GPC6: variants seen among roughly 807,000 people sequenced by gnomAD.
The protein encoded by GPC6 is glypican 6.
A neutral mutation model predicts 55.2 loss-of-function variants in GPC6; 14 were observed. The observed-to-expected ratio is 0.25, with a 90% CI of 0.17 to 0.40. The LOEUF (loss-of-function observed/expected upper bound fraction) is 0.40, where lower values mean the gene tolerates loss of function less well. Among genes scored for constraint, GPC6 ranks in the 10% least tolerant of loss-of-function variants. The pLI, the probability that GPC6 is intolerant of heterozygous loss-of-function variation, is 1.00. For synonymous variants in GPC6, 278 were observed against 259.6 expected (o/e 1.07, Z -0.68); for missense variants, 641 against 708.5 (o/e 0.90, Z 1.08).
chr13:93,992,206 G>A (rs1213148902), intron 3 of GPC6, among the ~76,000 whole-genome samples: 2 of 150,170 alleles, frequency 1.3e-5, no homozygotes, highest in Non-Finnish European at 3.0e-5. Context: ...TGTGGGTGTG[G>A]GTGTGTGTGT....
intron 3 of GPC6, among the ~76,000 whole-genome samples, chr13:93,990,544 T>A (rs1212895483): frequency 6.6e-6 from 1 of 152,046 alleles, no homozygotes; most frequent in Non-Finnish European, 1.5e-5. Flanking sequence ...TGGCCTATGG[T>A]AACATCTTGT....
chr13:94,062,462 G>A (rs2021155), intron 4 of GPC6, among the ~76,000 whole-genome samples: 63,240 of 151,706 alleles, frequency 0.42, 15,235 homozygotes, highest in Middle Eastern at 0.56. Context: ...TGTTAGCCAA[G>A]CTGGTCTCGA....
At chr13:93,644,687 T>C (rs562068757) in intron 2 of GPC6, among the ~76,000 whole-genome samples, 167 of 152,014 alleles carry the variant, frequency 1.1e-3, no homozygotes, top group African/African-American at 4.0e-3. Flanking sequence ...TAGTTAATAA[T>C]TGATGTGGTG....
intron 1 of GPC6, among the ~76,000 whole-genome samples, chr13:93,482,993 G>C (rs1021993719): frequency 7.2e-5 from 11 of 152,106 alleles, no homozygotes; most frequent in Admixed American, 3.3e-4. Context: ...CCGTAAATGT[G>C]ACCAAGAGCC....
intron 2 of GPC6, among the ~76,000 whole-genome samples, chr13:93,802,724 A>C (rs1362486665): frequency 6.6e-6 from 1 of 152,146 alleles, no homozygotes; most frequent in Admixed American, 6.6e-5. Flanking sequence ...CAGAAGAAAG[A>C]AAAGTGATGG....
At chr13:93,642,078 G>A (rs1879972535) in intron 2 of GPC6, among the ~76,000 whole-genome samples, 1 of 151,964 alleles carries the variant, frequency 6.6e-6, no homozygotes, top group African/African-American at 2.4e-5. Flanking sequence ...TTGAGGTTTG[G>A]GGTGTGATTG....
chr13:94,348,451 GCCTTTCTGA>G (rs926702895), intron 6 of GPC6, among the ~76,000 whole-genome samples: 1 of 152,198 alleles, frequency 6.6e-6, no homozygotes, highest in African/African-American at 2.4e-5. Context: ...CCGAGATTTT[GCCTTTCTGA>G]CAAACTCCCA....
At chr13:93,909,583 A>G (rs567545859) in intron 3 of GPC6, among the ~76,000 whole-genome samples, 1 of 152,312 alleles carries the variant, frequency 6.6e-6, no homozygotes, top group South Asian at 2.1e-4. Context: ...GTTCACTGTT[A>G]TCCTTCTATC....
At chr13:94,206,634 G>A (rs1182590575) in intron 4 of GPC6, among the ~76,000 whole-genome samples, 2 of 151,948 alleles carry the variant, frequency 1.3e-5, no homozygotes, top group South Asian at 2.1e-4. Flanking sequence ...CGAGCAGATC[G>A]CTTGAGTCCA....
At chr13:94,032,357 G>A (rs1489270446) in intron 4 of GPC6, among the ~76,000 whole-genome samples, 2 of 152,164 alleles carry the variant, frequency 1.3e-5, no homozygotes, top group Non-Finnish European at 2.9e-5. Context: ...CTTAGTCAGC[G>A]GGGAGTCAGA....
chr13:93,945,247 T>C (rs1219061186), intron 3 of GPC6, among the ~76,000 whole-genome samples: 6 of 152,352 alleles, frequency 3.9e-5, no homozygotes, highest in East Asian at 1.9e-4. Context: ...TGTAAAATAC[T>C]CTATTTGCAG....
intron 1 of GPC6, among the ~76,000 whole-genome samples, chr13:93,472,248 T>G (rs1230553265): frequency 6.6e-6 from 1 of 152,230 alleles, no homozygotes; most frequent in Non-Finnish European, 1.5e-5. Flanking sequence ...GCCAGAAACC[T>G]GTGGCTGCTG....
intron 1 of GPC6, among the ~76,000 whole-genome samples, chr13:93,526,203 A>G (rs942848692): frequency 6.6e-6 from 1 of 152,108 alleles, no homozygotes; most frequent in Non-Finnish European, 1.5e-5. Context: ...ATATGGAAAT[A>G]TGGGCTTTTC....
chr13:93,749,226 A>T (rs1884499166), intron 2 of GPC6, among the ~76,000 whole-genome samples: 1 of 151,932 alleles, frequency 6.6e-6, no homozygotes. Context: ...TGATTGTTTT[A>T]ACCTTAAGTT....
At chr13:93,331,409 C>T (rs1879838414) in intron 1 of GPC6, among the ~76,000 whole-genome samples, 1 of 152,090 alleles carries the variant, frequency 6.6e-6, no homozygotes, top group Non-Finnish European at 1.5e-5. Flanking sequence ...TGCCCTTTGG[C>T]TCTCTTTCTT....
chr13:93,472,353 A>G, intron 1 of GPC6, among the ~76,000 whole-genome samples: 1 of 152,150 alleles, frequency 6.6e-6, no homozygotes, highest in East Asian at 1.9e-4. Flanking sequence ...TATGGATCAC[A>G]TGCCTCCAAG....
chr13:93,612,500 A>AACAC (rs3138575), intron 2 of GPC6, among the ~76,000 whole-genome samples: 23,620 of 139,160 alleles, frequency 0.17, 2,153 homozygotes, highest in Non-Finnish European at 0.22. Flanking sequence ...CTCCGTCTAA[A>AACAC]ACACACACAC....
chr13:94,197,736 G>C (rs945442474), intron 4 of GPC6, among the ~76,000 whole-genome samples: 2 of 152,146 alleles, frequency 1.3e-5, no homozygotes, highest in Non-Finnish European at 2.9e-5. Context: ...AAGAACAAAA[G>C]ATAGTATCTG....
At chr13:94,103,782 A>G (rs1389955591) in intron 4 of GPC6, among the ~76,000 whole-genome samples, 1 of 152,146 alleles carries the variant, frequency 6.6e-6, no homozygotes, top group Non-Finnish European at 1.5e-5. Flanking sequence ...TCTGGATATT[A>G]GCCCTTTGTC....
Sources: gnomAD v4.1 joint callset for allele counts (sites outside exome capture counted in the v4.1 genomes callset) on GRCh38, gnomAD v4.1.1 for gene constraint, MANE v1.5 for transcripts, NCBI Gene and HGNC (gene_info 2026-07-23, HGNC 2026-07-21) for gene names.